Variants in CRISPLD2 observed in about 807,000 individuals in gnomAD.
The protein encoded by CRISPLD2 is cysteine-rich secretory protein LCCL domain-containing 2.
A neutral mutation model predicts 71.1 loss-of-function variants in CRISPLD2; 47 were observed. The ratio of observed to expected loss-of-function variants is 0.66; its 90% CI spans 0.52 to 0.84. The LOEUF (loss-of-function observed/expected upper bound fraction) is 0.84. Ranked by LOEUF, CRISPLD2 falls within the 40% of genes least tolerant of loss-of-function variation. The probability of loss-of-function intolerance (pLI) is 0.00; values close to 1 mark genes in which losing one functional copy is unlikely to be tolerated. For synonymous variants in CRISPLD2, 317 were observed against 250.1 expected (o/e 1.27, Z -2.52); for missense variants, 830 against 651.1 (o/e 1.27, Z -2.99).
chr16:84,880,045 C>T (rs2071554760), intron 12 of CRISPLD2, among the ~76,000 whole-genome samples: 2 of 152,156 alleles, frequency 1.3e-5, no homozygotes, highest in South Asian at 4.1e-4. Context: ...TTATCAGTGC[C>T]CCCGCCTTGG....
At chr16:84,845,664 A>C in intron 2 of CRISPLD2, 122 bp from the exon 3 acceptor site, 2 of 717,996 alleles carry the variant, frequency 2.8e-6, no homozygotes, top group Non-Finnish European at 4.7e-6. Context: ...ACCCAGCAAT[A>C]CAGCAGCAGA....
chr16:84,836,889 C>G (rs1341690017), intron 1 of CRISPLD2, among the ~76,000 whole-genome samples: 1 of 152,190 alleles, frequency 6.6e-6, no homozygotes, highest in East Asian at 1.9e-4. Flanking sequence ...CGGCCACCAC[C>G]CAACCCTCCA....
intron 7 of CRISPLD2, 93 bp downstream of exon 7, chr16:84,867,133 C>A: frequency 1.5e-6 from 2 of 1,344,138 alleles, no homozygotes; most frequent in Non-Finnish European, 2.1e-6. Flanking sequence ...GGATTTAGGT[C>A]TGCAAATCCA....
At position 84,838,809 on chromosome 16, in the gene CRISPLD2, G is replaced by T. The variant is rs749123176; in HGVS notation, c.240+74G>T. 8 of 1,538,930 alleles carry T rather than the reference G, an allele frequency of 5.2e-6. No individual in the cohort carries two copies. The Admixed American group carries it at 7.7e-5, about 15-fold the overall frequency. On this transcript the variant is annotated intron_variant, in intron 2 of 14. Coordinates refer to ENST00000262424, the MANE Select transcript of CRISPLD2 (RefSeq NM_031476.4). ...GGCCACCAGCCTGCTCTGTTCCCCA[G>T]CCAGCTCTGTTCCCCAGCCAGTGCG...
chr16:84,875,631 A>G (rs1202217892), intron 11 of CRISPLD2, among the ~76,000 whole-genome samples: 2 of 151,310 alleles, frequency 1.3e-5, no homozygotes, highest in African/African-American at 2.4e-5. Context: ...ATTTCAGCTC[A>G]CTGCAACCTC....
chr16:84,880,597 CAT>C lies in CRISPLD2; in HGVS notation c.1305+14_1305+15del. 1.2e-6 allele frequency: 2 copies of C among 1,609,032 alleles called. No individual in the cohort carries two copies. Among genetic ancestry groups the C allele is most frequent in the Non-Finnish European group, 1.7e-6 (2 of 1,175,708 alleles). ...CATCTATGCAGATGTGAGTAGGATGCATTTTCAACAACTATCTCGCAAAGCCT... is the reference window on the plus strand; with the variant it reads ...CATCTATGCAGATGTGAGTAGGATGCTTTCAACAACTATCTCGCAAAGCCT... On this transcript the variant is annotated intron_variant, in intron 13 of 14. Coordinates refer to ENST00000262424, the MANE Select transcript of CRISPLD2 (RefSeq NM_031476.4).
chr16:84,841,253 T>C (rs900005436), intron 2 of CRISPLD2, among the ~76,000 whole-genome samples: 16 of 152,120 alleles, frequency 1.1e-4, no homozygotes, highest in Non-Finnish European at 2.1e-4. Context: ...GTGAGCATGG[T>C]TGAGCAAGCA....
chr16:84,866,311 G>C (rs1188769988), intron 6 of CRISPLD2, among the ~76,000 whole-genome samples: 2 of 151,004 alleles, frequency 1.3e-5, no homozygotes, highest in African/African-American at 4.9e-5. Context: ...TCGGCTCACT[G>C]CAACCTCCAC....
At chr16:84,839,267 T>A in intron 2 of CRISPLD2, 1 of 295,828 alleles carries the variant, frequency 3.4e-6, no homozygotes. Context: ...TTCATGTCAC[T>A]CTTGGTAGCT....
At chr16:84,870,532 G>A (rs1449217005) in intron 8 of CRISPLD2, among the ~76,000 whole-genome samples, 1 of 152,168 alleles carries the variant, frequency 6.6e-6, no homozygotes, top group Non-Finnish European at 1.5e-5. Context: ...GGCCAGGCTG[G>A]TCTCAAACTC....
At chr16:84,880,405 T>C in intron 12 of CRISPLD2, 104 bp from the exon 13 acceptor site, 2 of 854,902 alleles carry the variant, frequency 2.3e-6, no homozygotes, top group South Asian at 4.0e-5. Context: ...GCGGTTTCCT[T>C]TCATCTACGA....
At chr16:84,879,467 A>G (rs2071549375) in intron 12 of CRISPLD2, among the ~76,000 whole-genome samples, 1 of 150,580 alleles carries the variant, frequency 6.6e-6, no homozygotes, top group African/African-American at 2.4e-5. Context: ...GATTCAAGCC[A>G]TTCTCCTGCC....
chr16:84,849,715 C>A (rs1917027778), intron 4 of CRISPLD2, among the ~76,000 whole-genome samples, 198 bp downstream of exon 4: 1 of 89,642 alleles, frequency 1.1e-5, no homozygotes, highest in African/African-American at 3.7e-5. Context: ...GTGAGCACTA[C>A]AAACTCTTTT....
intron 1 of CRISPLD2, among the ~76,000 whole-genome samples, chr16:84,834,042 G>C (rs541026269): frequency 1.3e-5 from 2 of 152,200 alleles, no homozygotes; most frequent in Non-Finnish European, 2.9e-5. Flanking sequence ...GGGCATACCT[G>C]GGCCTCGAGG....
In CRISPLD2 at chr16:84,865,169, T is replaced by C. The variant is rs562985143; in HGVS notation, c.710-1728T>C. On this transcript the variant is annotated intron_variant, in intron 6 of 14. Coordinates refer to ENST00000262424, the MANE Select transcript of CRISPLD2 (RefSeq NM_031476.4). ...GATGAAACTTGGATTTTTTTTTTTT[T>C]TTTTGAGACAGAGTTTCGCTCTGTC... 6.6e-5 allele frequency among the ~76,000 whole-genome samples: 10 copies of C among 152,160 alleles called. No homozygotes were observed. The South Asian group carries it at 2.1e-3, about 32-fold the overall frequency.
Position 84,908,469 on chromosome 16 carries a change from G to T in CRISPLD2, c.*1827G>T, listed in dbSNP as rs1238737083. Reference sequence around the variant, plus strand: ...GTGTCTGTGTCTGCAAGATAAATTAGATCGCCCTGTGGGGTTTGCAGAATT... The same window carrying T: ...GTGTCTGTGTCTGCAAGATAAATTATATCGCCCTGTGGGGTTTGCAGAATT... On this transcript the variant is annotated 3_prime_UTR_variant, in exon 15 of 15. Coordinates refer to ENST00000262424, the MANE Select transcript of CRISPLD2 (RefSeq NM_031476.4). 6.6e-6 allele frequency: 1 copy of T among 152,394 alleles called. No individual in the cohort carries two copies. The highest frequency in any genetic ancestry group is 3.4e-3 in the Middle Eastern group (1 of 296). The allele number at this position is 152,394 out of a possible 1,614,324, so 9.4% of individuals were successfully genotyped here.
intron 14 of CRISPLD2, among the ~76,000 whole-genome samples, chr16:84,896,949 G>A (rs930882231): frequency 7.2e-5 from 11 of 152,138 alleles, no homozygotes; most frequent in South Asian, 4.1e-4. Flanking sequence ...AGAACCGGCC[G>A]TCCACCCTCC....
At chr16:84,871,698 C>T (rs1011861679) in intron 8 of CRISPLD2, among the ~76,000 whole-genome samples, 1 of 151,910 alleles carries the variant, frequency 6.6e-6, no homozygotes, top group Admixed American at 6.6e-5. Context: ...ACTACAGGTG[C>T]CTGCCACCAC....
chr16:84,823,293 C>G (rs1407481469), intron 1 of CRISPLD2, among the ~76,000 whole-genome samples: 1 of 152,194 alleles, frequency 6.6e-6, no homozygotes, highest in African/African-American at 2.4e-5. Context: ...CCACCTTTGG[C>G]TTTTACAGAG....
Sources: allele counts gnomAD v4.1 joint callset (sites outside exome capture counted in the v4.1 genomes callset), GRCh38; gene constraint gnomAD v4.1.1; transcripts MANE v1.5; gene names NCBI Gene and HGNC (gene_info 2026-07-23, HGNC 2026-07-21).